The following LDLRAD3 variants were observed in gnomAD, a reference collection of about 807,000 sequenced individuals.
LDLRAD3 encodes low-density lipoprotein receptor class A domain-containing protein 3.
In LDLRAD3, 20 loss-of-function variants were observed where a neutral mutation model predicts 29.4. That is an observed-to-expected ratio of 0.68 (90% CI 0.48 to 0.99). The LOEUF (loss-of-function observed/expected upper bound fraction) is 0.99. Among genes scored for constraint, LDLRAD3 ranks in the 50% least tolerant of loss-of-function variants. The pLI is 0.00. For missense variants in LDLRAD3, 420 were observed against 454.3 expected (o/e 0.92, Z 0.69); for synonymous variants, 157 against 192.7 (o/e 0.81, Z 1.53).
At chr11:35,999,384 A>T (rs1439854661) in intron 1 of LDLRAD3, among the ~76,000 whole-genome samples, 1 of 152,156 alleles carries the variant, frequency 6.6e-6, no homozygotes, top group East Asian at 1.9e-4. Context: ...CTCTGTTGAG[A>T]GTCAGCCAGA....
chr11:35,995,882 A>G (rs1045366167), intron 1 of LDLRAD3, among the ~76,000 whole-genome samples: 3 of 152,182 alleles, frequency 2.0e-5, no homozygotes, highest in African/African-American at 7.2e-5. Flanking sequence ...CCTCGTTAGC[A>G]TTCTAGAATT....
intron 1 of LDLRAD3, chr11:35,967,833 A>C: frequency 2.4e-6 from 1 of 425,446 alleles, no homozygotes; most frequent in East Asian, 7.0e-5. Flanking sequence ...CCATTGCAGT[A>C]TCCATTCTGA....
At chr11:35,963,159 G>A (rs1287010668) in intron 1 of LDLRAD3, among the ~76,000 whole-genome samples, 15 of 152,164 alleles carry the variant, frequency 9.9e-5, no homozygotes, top group Admixed American at 9.8e-4. Flanking sequence ...ATTTTGGGAT[G>A]AACATATTTG....
At chr11:36,013,664 T>TC (rs1437005835) in intron 1 of LDLRAD3, among the ~76,000 whole-genome samples, 4 of 152,204 alleles carry the variant, frequency 2.6e-5, no homozygotes, top group African/African-American at 9.7e-5. Context: ...TGCATAGTAT[T>TC]CCATGGTATA....
intron 4 of LDLRAD3, among the ~76,000 whole-genome samples, chr11:36,214,725 G>A (rs1181078118): frequency 6.6e-6 from 1 of 152,164 alleles, no homozygotes; most frequent in Admixed American, 6.5e-5. Flanking sequence ...GTGACCTGGG[G>A]CAAATGACCT....
intron 1 of LDLRAD3, among the ~76,000 whole-genome samples, chr11:35,986,014 A>G (rs1241917883): frequency 6.6e-6 from 1 of 152,062 alleles, no homozygotes; most frequent in African/African-American, 2.4e-5. Flanking sequence ...GTCTGGACAG[A>G]TGAGTATTTG....
intron 4 of LDLRAD3, among the ~76,000 whole-genome samples, chr11:36,125,990 C>T (rs16928431): frequency 0.022 from 3,403 of 152,218 alleles, 123 homozygotes; most frequent in African/African-American, 0.078. Flanking sequence ...CAAATGAGGC[C>T]GATTTGGAGA....
intron 4 of LDLRAD3, among the ~76,000 whole-genome samples, chr11:36,162,732 G>A (rs182946592): frequency 6.6e-6 from 1 of 152,324 alleles, no homozygotes; most frequent in Non-Finnish European, 1.5e-5. Context: ...AGGATCCTGA[G>A]CTTGGCTAAT....
At chr11:36,066,155 A>ATTT (rs1852788685) in intron 2 of LDLRAD3, among the ~76,000 whole-genome samples, 1 of 143,684 alleles carries the variant, frequency 7.0e-6, no homozygotes, top group South Asian at 2.2e-4. Context: ...CTCTTCACTC[A>ATTT]TTTTCTTTTT....
chr11:36,107,830 G>A (rs1477081971), intron 4 of LDLRAD3, among the ~76,000 whole-genome samples: 4 of 152,106 alleles, frequency 2.6e-5, no homozygotes, highest in African/African-American at 7.2e-5. Flanking sequence ...TATCCCTGTC[G>A]TTAAGCAACG....
chr11:35,986,253 G>T (rs1851613877), intron 1 of LDLRAD3, among the ~76,000 whole-genome samples: 1 of 152,132 alleles, frequency 6.6e-6, no homozygotes. Flanking sequence ...TATATGCAAT[G>T]CCCCGGATTG....
intron 2 of LDLRAD3, among the ~76,000 whole-genome samples, chr11:36,037,093 C>T (rs796239783): frequency 5.5e-4 from 83 of 152,188 alleles, no homozygotes; most frequent in African/African-American, 1.9e-3. Context: ...TCCTGGGTGC[C>T]CTGGTAGGTA....
chr11:35,973,504 C>A (rs890250695), intron 1 of LDLRAD3, among the ~76,000 whole-genome samples: 1 of 152,046 alleles, frequency 6.6e-6, no homozygotes, highest in Admixed American at 6.6e-5. Context: ...GTCTCCCAGG[C>A]GGGAGTGCAG....
intron 4 of LDLRAD3, among the ~76,000 whole-genome samples, chr11:36,216,409 G>A (rs1317676767): frequency 1.3e-5 from 2 of 152,170 alleles, no homozygotes; most frequent in African/African-American, 4.8e-5. Context: ...CCTAGTAAAG[G>A]CTCTGACAAG....
At chr11:36,093,318 A>G (rs1257636494) in intron 3 of LDLRAD3, among the ~76,000 whole-genome samples, 1 of 152,228 alleles carries the variant, frequency 6.6e-6, no homozygotes, top group African/African-American at 2.4e-5. Context: ...TTAAAATAAT[A>G]AAATATTACC....
intron 4 of LDLRAD3, among the ~76,000 whole-genome samples, chr11:36,217,572 G>A (rs1855369339): frequency 6.6e-6 from 1 of 152,180 alleles, no homozygotes; most frequent in South Asian, 2.1e-4. Flanking sequence ...CTACTTCATA[G>A]GAGGGTGTAT....
chr11:36,199,931 C>T (rs1036880264), intron 4 of LDLRAD3, among the ~76,000 whole-genome samples: 29 of 152,216 alleles, frequency 1.9e-4, no homozygotes, highest in African/African-American at 6.7e-4. Flanking sequence ...CTTTAGGAGG[C>T]TGAGGTGGGC....
In LDLRAD3 at chr11:36,098,912, T is replaced by C. The variant is rs139429166; in HGVS notation, c.454+451T>C. Among the ~76,000 whole-genome samples, 323 of 152,288 alleles carry C rather than the reference T, an allele frequency of 2.1e-3. 1 individual carries two copies. Among genetic ancestry groups the C allele is most frequent in the African/African-American group, 7.6e-3 (316 of 41,558 alleles). On this transcript the variant is annotated intron_variant, in intron 4 of 5. Coordinates refer to ENST00000315571, the MANE Select transcript of LDLRAD3 (RefSeq NM_174902.4). ...TTTTTTTTTCTTTTTTAAGTTTACATTGCTGACATCATTGTCTGTGCCTGT... is the reference window on the plus strand; with the variant it reads ...TTTTTTTTTCTTTTTTAAGTTTACACTGCTGACATCATTGTCTGTGCCTGT...
chr11:36,179,765 G>A (rs1854730015), intron 4 of LDLRAD3, among the ~76,000 whole-genome samples: 1 of 152,136 alleles, frequency 6.6e-6, no homozygotes, highest in Non-Finnish European at 1.5e-5. Context: ...GGCTGAGGCA[G>A]GAGGATGGCT....
Sources: allele counts gnomAD v4.1 joint callset (sites outside exome capture counted in the v4.1 genomes callset), GRCh38; gene constraint gnomAD v4.1.1; transcripts MANE v1.5; gene names NCBI Gene and HGNC (gene_info 2026-07-23, HGNC 2026-07-21).